The following TSC22D2 variants were observed in gnomAD, a reference collection of about 807,000 sequenced individuals.
TSC22D2 encodes TSC22 domain family protein 2.
A neutral mutation model predicts 50.1 loss-of-function variants in TSC22D2; 5 were observed. That is an observed-to-expected ratio of 0.10 (90% CI 0.05 to 0.21). TSC22D2 has a LOEUF of 0.21. TSC22D2 is among the 10% of genes least tolerant of loss of function. The pLI, the probability that TSC22D2 is intolerant of heterozygous loss-of-function variation, is 1.00. For missense variants in TSC22D2, 1,003 were observed against 1,015.5 expected, an observed-to-expected ratio of 0.99 and a Z score of 0.17; for synonymous variants, 501 against 450.1, an observed-to-expected ratio of 1.11 and a Z score of -1.43.
intron 1 of TSC22D2, among the ~76,000 whole-genome samples, chr3:150,415,431 A>C (rs543207187): frequency 6.6e-6 from 1 of 152,326 alleles, no homozygotes; most frequent in African/African-American, 2.4e-5. Flanking sequence ...AATCACCTTT[A>C]TGAGAAGTCA....
chr3:150,437,387 G>A (rs1720579151), intron 1 of TSC22D2, among the ~76,000 whole-genome samples: 1 of 152,030 alleles, frequency 6.6e-6, no homozygotes, highest in South Asian at 2.1e-4. Context: ...CCATTATGTT[G>A]TCTATTTTCA....
At chr3:150,442,927 C>G (rs1720764678) in intron 1 of TSC22D2, among the ~76,000 whole-genome samples, 1 of 152,120 alleles carries the variant, frequency 6.6e-6, no homozygotes, top group South Asian at 2.1e-4. Flanking sequence ...TGGAAGACAG[C>G]AAGACTATGT....
intron 1 of TSC22D2, among the ~76,000 whole-genome samples, chr3:150,439,693 G>T (rs1461383446): frequency 4.6e-5 from 7 of 151,958 alleles, no homozygotes; most frequent in African/African-American, 1.2e-4. Flanking sequence ...CAGAGCATTT[G>T]TCAGATTTTC....
chr3:150,455,801 T>C (rs1721167243), intron 1 of TSC22D2, among the ~76,000 whole-genome samples: 1 of 152,214 alleles, frequency 6.6e-6, no homozygotes, highest in Admixed American at 6.5e-5. Flanking sequence ...TAGTAACATA[T>C]AAAAAATTAT....
At position 150,461,974 on chromosome 3, in the gene TSC22D2, A is replaced by G. The variant is rs2108112734; in HGVS notation, c.*3338A>G. The G allele has an allele frequency of 6.6e-6, 1 of 152,336 alleles. No homozygotes were observed. Among genetic ancestry groups the G allele is most frequent in the Middle Eastern group, 3.4e-3 (1 of 294 alleles). The allele number at this position is 152,336 out of a possible 1,614,324, so 9.4% of individuals were successfully genotyped here. A position where few individuals can be genotyped will look rare whatever the true frequency, so the allele number is the denominator to read the frequency against. ...TAAGATTTGAAGTCACATTTTTAAA[A>G]GAAGCTTTATGGCTCAGTGGCAAGC... On this transcript the variant is annotated 3_prime_UTR_variant, in exon 3 of 3. Transcript: ENST00000688009.
Position 150,460,002 on chromosome 3 carries a change from TAC to T in TSC22D2, c.*1368_*1369del, listed in dbSNP as rs772824838. 10 of 152,152 alleles carry T rather than the reference TAC, an allele frequency of 6.6e-5. No homozygotes were observed. The highest frequency in any genetic ancestry group is 2.0e-4 in the Admixed American group (3 of 15,264). 9.4% of individuals were successfully genotyped at this position (152,152 alleles called of 1,614,324 possible). ...TAAATTAAAATGTACATTTCATAAA[TAC>T]AGTTTCAAAAGAAAGCATCATTTTG... is the stretch of plus-strand genomic sequence containing the variant. On this transcript the variant is annotated 3_prime_UTR_variant, in exon 3 of 3. Coordinates refer to ENST00000688009, the MANE Select transcript of TSC22D2 (RefSeq NM_001303264.2).
At chr3:150,425,565 T>C (rs1459595766) in intron 1 of TSC22D2, among the ~76,000 whole-genome samples, 1 of 152,172 alleles carries the variant, frequency 6.6e-6, no homozygotes, top group Non-Finnish European at 1.5e-5. Context: ...GTCCCTAACG[T>C]TATCTTCTAC....
At chr3:150,457,297 C>T (rs955686415) in intron 2 of TSC22D2, among the ~76,000 whole-genome samples, 170 bp downstream of exon 2, 23 of 152,124 alleles carry the variant, frequency 1.5e-4, no homozygotes, top group African/African-American at 5.6e-4. Context: ...AACTTTTAGT[C>T]TAGAAATACT....
At position 150,409,594 on chromosome 3, in the gene TSC22D2, G is replaced by A. The variant is rs757299266; in HGVS notation, c.244G>A (p.Gly82Arg). The change falls in exon 1 of 3, where the codon GGG (glycine) becomes AGG (arginine). Residue 82 changes from glycine to arginine, a missense_variant. Physicochemically the swap from Gly to Arg is moderately radical, Grantham distance 125 (BLOSUM62 -2). This residue lies in a region of TSC22D2 where 200 missense variants were observed against 182.8 expected (regional missense o/e 1.09). Coordinates refer to ENST00000688009, the MANE Select transcript of TSC22D2 (RefSeq NM_001303264.2). This position sits in a 1 kb window ranked among gnomAD's most constrained non-coding sequence, Gnocchi z 7.4. ...LNNVGDAETP[G>R]TVSPNLLLDG... The stretch of plus-strand genomic sequence containing the variant: ...CAATGTTGGGGATGCGGAGACTCCC[G>A]GGACCGTCTCCCCAAACCTCCTCCT... 1.9e-6 allele frequency: 3 copies of A among 1,601,402 alleles called. No individual in the cohort carries two copies. In the Admixed American group the frequency reaches 5.0e-5, roughly 27 times the overall value.
At position 150,464,314 on chromosome 3, in the gene TSC22D2, C is replaced by A. The variant is rs887147419; in HGVS notation, c.*5678C>A. On this transcript the variant is annotated 3_prime_UTR_variant, in exon 3 of 3. Coordinates refer to ENST00000688009, the MANE Select transcript of TSC22D2 (RefSeq NM_001303264.2). ...ACAGCAAGGGAACATTTTCCCCACA[C>A]TTGAGATGGAAATAATAACAGGTCA... 1 of 152,062 alleles carries A rather than the reference C, an allele frequency of 6.6e-6. No individual in the cohort carries two copies. The highest frequency in any genetic ancestry group is 1.5e-5 in the Non-Finnish European group (1 of 68,026). 9.4% of individuals were successfully genotyped at this position (152,062 alleles called of 1,614,324 possible). A position where few individuals can be genotyped will look rare whatever the true frequency, so the allele number is the denominator to read the frequency against.
intron 1 of TSC22D2, among the ~76,000 whole-genome samples, chr3:150,455,215 T>G (rs1266411551): frequency 6.6e-6 from 1 of 152,196 alleles, no homozygotes; most frequent in Non-Finnish European, 1.5e-5. Flanking sequence ...TGCCAAAATG[T>G]GTTCAGTATT....
chr3:150,413,852 A>T (rs1275214826), intron 1 of TSC22D2, among the ~76,000 whole-genome samples: 1 of 150,946 alleles, frequency 6.6e-6, no homozygotes, highest in Admixed American at 6.6e-5. Context: ...TTCAGATCCT[A>T]AGGAAATATT....
At position 150,458,931 on chromosome 3, in the gene TSC22D2, G is replaced by T; in HGVS notation, c.*295G>T. 1 of 270,736 alleles carries T rather than the reference G, an allele frequency of 3.7e-6. No homozygotes were observed. Among genetic ancestry groups the T allele is most frequent in the South Asian group, 9.9e-5 (1 of 10,114 alleles). The allele number at this position is 270,736 out of a possible 1,614,324, so 16.8% of individuals were successfully genotyped here. ...CATGAGTGGGGTCTTTAAGAGTTTT[G>T]GTGGCTCTCCCATGTTTCCTATTAC... On this transcript the variant is annotated 3_prime_UTR_variant, in exon 3 of 3. Transcript: ENST00000688009.
Position 150,460,926 on chromosome 3 carries a change from GA to G in TSC22D2, c.*2295del, listed in dbSNP as rs1721379315. ...GCAGTTATTACTACTTTTATATTAA[GA>G]AAAACAGTAGAAAAGGAGAGAAAAT... is the stretch of plus-strand genomic sequence containing the variant. On this transcript the variant is annotated 3_prime_UTR_variant, in exon 3 of 3. Transcript: ENST00000688009. 6.6e-6 allele frequency: 1 copy of G among 152,110 alleles called. No individual in the cohort carries two copies. The highest frequency in any genetic ancestry group is 1.5e-5 in the Non-Finnish European group (1 of 68,016). 9.4% of individuals were successfully genotyped at this position (152,110 alleles called of 1,614,324 possible).
At position 150,458,973 on chromosome 3, in the gene TSC22D2, A is replaced by G. The variant is rs1205486649; in HGVS notation, c.*337A>G. The G allele has an allele frequency of 4.8e-6, 1 of 207,056 alleles. No individual in the cohort carries two copies. The highest frequency in any genetic ancestry group is 9.7e-6 in the Non-Finnish European group (1 of 103,512). 12.8% of individuals were successfully genotyped at this position (207,056 alleles called of 1,614,324 possible). On this transcript the variant is annotated 3_prime_UTR_variant, in exon 3 of 3. Transcript: ENST00000688009. ...TCCTATTACCCATGGATTTACCCTG[A>G]GCCTTCCTATCACATTATAAATAAC... is the stretch of plus-strand genomic sequence containing the variant.
intron 1 of TSC22D2, among the ~76,000 whole-genome samples, chr3:150,428,226 C>T (rs1720258410): frequency 6.6e-6 from 1 of 152,090 alleles, no homozygotes. Context: ...ACCTTTTCTG[C>T]AGTGCTTACT....
intron 1 of TSC22D2, among the ~76,000 whole-genome samples, chr3:150,413,820 C>A (rs1329584781): frequency 2.0e-5 from 3 of 151,740 alleles, no homozygotes; most frequent in Non-Finnish European, 4.4e-5. Flanking sequence ...GTGATTTAAA[C>A]TTTGCAAGTA....
chr3:150,414,169 C>A (rs1208182606), intron 1 of TSC22D2, among the ~76,000 whole-genome samples: 1 of 152,180 alleles, frequency 6.6e-6, no homozygotes, highest in African/African-American at 2.4e-5. Context: ...TGCCTATTGA[C>A]TCTACATTAT....
chr3:150,438,774 A>G (rs1720627686), intron 1 of TSC22D2, among the ~76,000 whole-genome samples: 1 of 152,080 alleles, frequency 6.6e-6, no homozygotes, highest in African/African-American at 2.4e-5. Flanking sequence ...TGCTTTGGAG[A>G]TTTTATTTCT....
Sources: gnomAD v4.1 joint callset for allele counts (sites outside exome capture counted in the v4.1 genomes callset) on GRCh38, gnomAD v4.1.1 for gene constraint, gnomAD v4.1.1 regional missense constraint, Gnocchi (gnomAD v3.1) non-coding constraint, MANE v1.5 for transcripts, NCBI Gene and HGNC (gene_info 2026-07-23, HGNC 2026-07-21) for gene names.